NECAB2: variants seen among roughly 807,000 people sequenced by gnomAD.
The protein encoded by NECAB2 is N-terminal EF-hand calcium binding protein 2.
Under a neutral mutation model 51.9 loss-of-function variants are expected in NECAB2, and 68 were observed. The ratio of observed to expected loss-of-function variants is 1.31; its 90% confidence interval spans 1.08 to 1.60. The LOEUF (loss-of-function observed/expected upper bound fraction) is 1.60, where lower values mean the gene tolerates loss of function less well. NECAB2 is among the 40% of genes most tolerant of loss of function. The probability of loss-of-function intolerance (pLI) is 0.00; values close to 1 mark genes in which losing one functional copy is unlikely to be tolerated. For missense variants in NECAB2, 854 were observed against 490.3 expected, an observed-to-expected ratio of 1.74 and a Z score of -7.00; for synonymous variants, 329 against 203.5, an observed-to-expected ratio of 1.62 and a Z score of -5.25.
intron 10 of NECAB2, among the ~76,000 whole-genome samples, chr16:83,999,249 C>T (rs993096667): frequency 4.0e-5 from 6 of 150,782 alleles, no homozygotes; most frequent in Non-Finnish European, 5.9e-5. Context: ...AGGGGCCATT[C>T]TTGAGTAAGT....
At position 83,981,076 on chromosome 16, in the gene NECAB2, C is replaced by T; in HGVS notation, c.408C>T (p.Ser136=). 6.2e-7 allele frequency: 1 copy of T among 1,614,124 alleles called. No homozygotes were observed. The highest frequency in any genetic ancestry group is 8.5e-7 in the Non-Finnish European group (1 of 1,180,026). The change falls in exon 5 of 13, where the codon TCC becomes TCT. Residue 136 remains serine, a synonymous_variant. Coordinates refer to ENST00000305202, the MANE Select transcript of NECAB2 (RefSeq NM_019065.3). ...GTGACTATGAGGATGTCCTGGCCTC[C>T]CTGGAGACCTTGAATCACTCTGTCC... is the stretch of plus-strand genomic sequence containing the variant. ...HMGDYEDVLA[S]LETLNHSVLK... is the part of the protein sequence containing the mutation.
At chr16:84,000,700 C>A (rs750390584) in intron 10 of NECAB2, 24 bp from the exon 11 acceptor site, 7 of 1,610,006 alleles carry the variant, frequency 4.3e-6, no homozygotes, top group Non-Finnish European at 5.9e-6. Context: ...CCAGCCTCCT[C>A]CCCCCGACCA....
At position 83,968,529 on chromosome 16, in the gene NECAB2, G is replaced by A. The variant is rs911309415; in HGVS notation, c.-120G>A. ...CAGTCCCCGCGGTGTCCGCGGCCGC[G>A]GGGGCAGCGGGAGAGAGGGCGGGGC... On this transcript the variant is annotated 5_prime_UTR_variant, in exon 1 of 13. Coordinates refer to ENST00000305202, the MANE Select transcript of NECAB2 (RefSeq NM_019065.3). 1.7e-5 allele frequency: 14 copies of A among 829,060 alleles called. No individual in the cohort carries two copies. Among genetic ancestry groups the A allele is most frequent in the Non-Finnish European group, 2.0e-5 (14 of 690,296 alleles). The allele number at this position is 829,060 out of a possible 1,614,324, so 51.4% of individuals were successfully genotyped here. A position where few individuals can be genotyped will look rare whatever the true frequency, so the allele number is the denominator to read the frequency against.
chr16:84,001,113 T>G (rs2084823710), intron 11 of NECAB2, among the ~76,000 whole-genome samples: 1 of 152,024 alleles, frequency 6.6e-6, no homozygotes, highest in South Asian at 2.1e-4. Context: ...TACCACCCTG[T>G]AGAGTTGAGG....
intron 10 of NECAB2, among the ~76,000 whole-genome samples, chr16:84,000,475 C>CCTAT (rs1358179405): frequency 9.9e-5 from 15 of 152,104 alleles, no homozygotes; most frequent in Non-Finnish European, 1.2e-4. Context: ...AGAGTGAGAC[C>CCTAT]CTATCTCAAA....
intron 1 of NECAB2, among the ~76,000 whole-genome samples, chr16:83,970,023 A>T (rs2084331879): frequency 6.6e-6 from 1 of 152,304 alleles, no homozygotes; most frequent in African/African-American, 2.4e-5. Flanking sequence ...ACGCACGCAC[A>T]CACAGCCAGA....
intron 10 of NECAB2, among the ~76,000 whole-genome samples, chr16:83,999,141 T>G (rs1416341185): frequency 6.6e-6 from 1 of 152,168 alleles, no homozygotes; most frequent in African/African-American, 2.4e-5. Context: ...GGGCCCCCTG[T>G]GCACTGAGGC....
intron 5 of NECAB2, among the ~76,000 whole-genome samples, chr16:83,985,357 G>A (rs1196370984): frequency 7.0e-6 from 1 of 142,312 alleles, no homozygotes; most frequent in Non-Finnish European, 1.5e-5. Context: ...GGTTACTGCT[G>A]GGTGCGGTGG....
chr16:83,996,395 A>T (rs1256315799), intron 8 of NECAB2, among the ~76,000 whole-genome samples: 2 of 152,078 alleles, frequency 1.3e-5, no homozygotes, highest in African/African-American at 4.8e-5. Context: ...CCCTTGCTCA[A>T]ACATTTAGAA....
rs184583163 is a variant in NECAB2, at chr16:84,002,734, C to G, written c.*388C>G. ...TGTAGTGCCCAACCTAGCCAGGTAG[C>G]CACCACTGTGCCCAGGCGCCAAATA... On this transcript the variant is annotated 3_prime_UTR_variant, in exon 13 of 13. Coordinates refer to ENST00000305202, the MANE Select transcript of NECAB2 (RefSeq NM_019065.3). 7.1e-4 allele frequency: 165 copies of G among 231,122 alleles called. 1 individual carries two copies. Among genetic ancestry groups the G allele is most frequent in the African/African-American group, 3.6e-3 (162 of 44,548 alleles). The allele number at this position is 231,122 out of a possible 1,614,324, so 14.3% of individuals were successfully genotyped here. A position where few individuals can be genotyped will look rare whatever the true frequency, so the allele number is the denominator to read the frequency against.
chr16:83,986,588 T>C (rs374391029), intron 5 of NECAB2, among the ~76,000 whole-genome samples: 1 of 152,236 alleles, frequency 6.6e-6, no homozygotes, highest in East Asian at 1.9e-4. Context: ...TCATTACTCA[T>C]TGCAGCCTCA....
At chr16:83,978,648 G>GA in intron 3 of NECAB2, 96 bp downstream of exon 3, 2 of 1,082,290 alleles carry the variant, frequency 1.8e-6, no homozygotes, top group Non-Finnish European at 2.7e-6. Context: ...CCTGTAAGGG[G>GA]CAGGAGAACT....
rs534781979 is a variant in NECAB2, at chr16:84,001,510, G to C, written c.1041-315G>C. On this transcript the variant is annotated intron_variant, in intron 11 of 12. Coordinates refer to ENST00000305202, the MANE Select transcript of NECAB2 (RefSeq NM_019065.3). ...GACTAAAAGCCTTCGCAGCTTCTGT[G>C]TTGTCATGGGTCCCAGGCAGAGGAT... Among the ~76,000 whole-genome samples the C allele has an allele frequency of 2.2e-3, 331 of 152,216 alleles. 2 individuals are homozygous for C. The highest frequency in any genetic ancestry group is 7.7e-3 in the African/African-American group (319 of 41,498).
chr16:83,993,314 A>C (rs2084649974), intron 6 of NECAB2: 2 of 152,322 alleles, frequency 1.3e-5, no homozygotes, highest in South Asian at 4.1e-4. Flanking sequence ...TTGACACCAT[A>C]AAGACTCTGC....
chr16:83,996,274 G>A (rs1162905524), intron 8 of NECAB2, among the ~76,000 whole-genome samples: 1 of 152,164 alleles, frequency 6.6e-6, no homozygotes, highest in African/African-American at 2.4e-5. Context: ...GTTCCTGCCA[G>A]GCACACCTTC....
intron 8 of NECAB2, among the ~76,000 whole-genome samples, chr16:83,996,135 C>T (rs1194063578): frequency 3.3e-5 from 5 of 152,206 alleles, no homozygotes; most frequent in African/African-American, 1.2e-4. Context: ...AGGATGGAGG[C>T]TCTAGGGGCC....
At chr16:83,980,718 G>T (rs552946783) in intron 3 of NECAB2, 121 bp from the exon 4 acceptor site, 7 of 1,348,350 alleles carry the variant, frequency 5.2e-6, no homozygotes, top group Middle Eastern at 3.6e-4. Context: ...GGCGGAGCTT[G>T]TGGGGCCAGC....
At chr16:83,981,792 A>G (rs2084492789) in intron 5 of NECAB2, among the ~76,000 whole-genome samples, 1 of 152,160 alleles carries the variant, frequency 6.6e-6, no homozygotes. Flanking sequence ...GAGCAGCCAT[A>G]GGGCACACTG....
intron 10 of NECAB2, among the ~76,000 whole-genome samples, chr16:83,999,805 G>A (rs761013534): frequency 6.6e-6 from 1 of 152,152 alleles, no homozygotes; most frequent in Admixed American, 6.6e-5. Flanking sequence ...AGTGCAGTGG[G>A]GGTGTTGCAA....
Sources: allele counts gnomAD v4.1 joint callset (sites outside exome capture counted in the v4.1 genomes callset), GRCh38; gene constraint gnomAD v4.1.1; transcripts MANE v1.5; gene names NCBI Gene and HGNC (gene_info 2026-07-23, HGNC 2026-07-21).